The following NIN variants were observed in gnomAD, a reference collection of about 807,000 sequenced individuals.
The protein encoded by NIN is ninein, also known as glycogen synthase kinase 3 beta-interacting protein.
A neutral mutation model predicts 257.6 loss-of-function variants in NIN; 137 were observed. The ratio of observed to expected loss-of-function variants is 0.53; its 90% confidence interval spans 0.46 to 0.61. The LOEUF is 0.61. Ranked by LOEUF, NIN falls within the 20% of genes least tolerant of loss-of-function variation. The pLI, the probability that NIN is intolerant of heterozygous loss-of-function variation, is 0.00. For synonymous variants in NIN, 918 were observed against 919.8 expected, an observed-to-expected ratio of 1.00 and a Z score of 0.04; for missense variants, 2,439 against 2,501.2, an observed-to-expected ratio of 0.98 and a Z score of 0.53.
At chr14:50,753,356 C>T (rs549067756) in intron 20 of NIN, among the ~76,000 whole-genome samples, 6 of 152,230 alleles carry the variant, frequency 3.9e-5, no homozygotes, top group African/African-American at 9.6e-5. Flanking sequence ...GCTGAGATTG[C>T]GCCATTGCAC....
At position 50,756,751 on chromosome 14, in the gene NIN, T is replaced by G. The variant is rs1566810168; in HGVS notation, c.4279A>C (p.Asn1427His). 1 of 1,551,616 alleles carries G rather than the reference T, an allele frequency of 6.4e-7. No individual in the cohort carries two copies. Among genetic ancestry groups the G allele is most frequent in the Non-Finnish European group, 8.7e-7 (1 of 1,146,994 alleles). ...GTGTTTTCCTCCAGTATAACTTGAT[T>G]CTGTACTCTTGGCCTTTCTTGATGT... ...QTHQERPRVQ[N>H]QVILEENTTL... is the part of the protein sequence containing the mutation. Residue 1427 changes from asparagine (N) to histidine (H), a missense_variant, in exon 18 of 31, where the codon AAT (asparagine) becomes CAT (histidine). Coordinates refer to ENST00000530997, the MANE Select transcript of NIN (RefSeq NM_020921.4).
At chr14:50,791,536 G>A (rs949229244) in intron 5 of NIN, among the ~76,000 whole-genome samples, 14 of 151,800 alleles carry the variant, frequency 9.2e-5, no homozygotes, top group African/African-American at 3.4e-4. Context: ...TTGTGGTGAA[G>A]GACAAGTGTC....
At chr14:50,781,514 G>C (rs567272643) in intron 5 of NIN, among the ~76,000 whole-genome samples, 1 of 152,344 alleles carries the variant, frequency 6.6e-6, no homozygotes, top group South Asian at 2.1e-4. Flanking sequence ...GAGTCTATGA[G>C]ACTGGGTGCC....
chr14:50,798,026 C>G (rs146688227), intron 4 of NIN, among the ~76,000 whole-genome samples: 5 of 152,056 alleles, frequency 3.3e-5, no homozygotes, highest in Non-Finnish European at 7.4e-5. Flanking sequence ...AAGGGGAGGC[C>G]AAGAAAGGTT....
In NIN at chr14:50,757,464, G is replaced by GTCT; in HGVS notation, c.3563_3565dup (p.Glu1188_Thr1189insLys). ...CTTCAGCTCCCAGGATTCAGTCCTG[G>GTCT]TCTCTTCACTGTTTTCAAGCTCAGA... is the stretch of plus-strand genomic sequence containing the variant. On this transcript the variant is annotated inframe_insertion, in exon 18 of 31. Transcript: ENST00000530997. 21 of 1,614,024 alleles carry GTCT rather than the reference G, an allele frequency of 1.3e-5. No individual in the cohort carries two copies. Among genetic ancestry groups the GTCT allele is most frequent in the Non-Finnish European group, 1.7e-5 (20 of 1,180,022 alleles).
chr14:50,744,455 C>T, intron 22 of NIN, 90 bp from the exon 23 acceptor site: 3 of 1,346,332 alleles, frequency 2.2e-6, no homozygotes, highest in Non-Finnish European at 3.1e-6. Flanking sequence ...TTCACAGCTG[C>T]TGCTATTTGC....
At chr14:50,752,375 C>T (rs2041824309) in intron 21 of NIN, 143 bp downstream of exon 21, 2 of 625,026 alleles carry the variant, frequency 3.2e-6, no homozygotes, top group East Asian at 2.7e-5. Context: ...CTTTCTATTC[C>T]ACTTACCTAC....
intron 3 of NIN, among the ~76,000 whole-genome samples, chr14:50,814,770 G>A (rs1000929749): frequency 3.3e-5 from 5 of 152,144 alleles, no homozygotes; most frequent in East Asian, 3.8e-4. Flanking sequence ...TGACAAACCT[G>A]ACAAAAACAA....
chr14:50,760,178 G>T lies in NIN; in HGVS notation c.2078C>A (p.Ala693Asp). The change falls in exon 17 of 31, where the codon GCC becomes GAC. Residue 693 changes from alanine to aspartate, a missense_variant. Physicochemically the swap from Ala to Asp is moderately radical, Grantham distance 126 (BLOSUM62 -2). This residue lies in a region of NIN where 2,043 missense variants were observed against 2,050.2 expected (regional missense o/e 1.00). Coordinates refer to ENST00000530997, the MANE Select transcript of NIN (RefSeq NM_020921.4). ...TTTCTCCTCCTCATGCCTGCAAGTG[G>T]CCTCATGATGTGCCTCCTTGAGCAC... Reference protein sequence around the residue: ...AAVLKEAHHEATCRHEEEKKQ... With the variant: ...AAVLKEAHHEDTCRHEEEKKQ... 1 of 1,614,050 alleles carries T rather than the reference G, an allele frequency of 6.2e-7. No homozygotes were observed. Among genetic ancestry groups the T allele is most frequent in the Non-Finnish European group, 8.5e-7 (1 of 1,180,016 alleles).
At chr14:50,781,302 G>A (rs1566840719) in intron 5 of NIN, among the ~76,000 whole-genome samples, 1 of 152,096 alleles carries the variant, frequency 6.6e-6, no homozygotes. Context: ...AGAAATGGCA[G>A]GAGAATATGT....
chr14:50,725,819 T>G lies in NIN; in HGVS notation c.6192+134A>C, dbSNP rs374903449. On this transcript the variant is annotated intron_variant, in intron 30 of 30. Coordinates refer to ENST00000530997, the MANE Select transcript of NIN (RefSeq NM_020921.4). ...ATGAGGGATAGCAAATCCTAAGTTC[T>G]TACAGACATTTATAATAGAATTTGC... 259 of 1,517,530 alleles carry G rather than the reference T, an allele frequency of 1.7e-4. 4 individuals carry two copies. In the East Asian group the frequency reaches 4.1e-3, roughly 24 times the overall value. 94.0% of individuals were successfully genotyped at this position (1,517,530 alleles called of 1,614,324 possible).
intron 22 of NIN, among the ~76,000 whole-genome samples, chr14:50,747,780 T>C (rs1327787657): frequency 6.6e-6 from 1 of 151,708 alleles, no homozygotes; most frequent in African/African-American, 2.4e-5. Context: ...ACAACATATA[T>C]AAGTTAGACA....
rs1391614334 is a variant in NIN, at chr14:50,770,424, C to G, written c.1398G>C (p.Glu466Asp). 5 of 1,614,110 alleles carry G rather than the reference C, an allele frequency of 3.1e-6. No individual in the cohort carries two copies. The Admixed American group carries it at 8.3e-5, about 27-fold the overall frequency. Residue 466 changes from glutamate (E) to aspartate (D), a missense_variant, in exon 12 of 31, where the codon GAG (glutamate) becomes GAC (aspartate). Physicochemically the swap from Glu to Asp is conservative, Grantham distance 45 (BLOSUM62 2). Coordinates refer to ENST00000530997, the MANE Select transcript of NIN (RefSeq NM_020921.4). Reference sequence around the variant, plus strand: ...GGGCAAGGCGGTCCCGGATATAGTTCTCTTCTGTTTTTGCCTTTTCAATTT... The same window carrying G: ...GGGCAAGGCGGTCCCGGATATAGTTGTCTTCTGTTTTTGCCTTTTCAATTT... ...EQEIEKAKTE[E>D]NYIRDRLALS...
chr14:50,724,757 A>G (rs1489002474), intron 30 of NIN, among the ~76,000 whole-genome samples: 1 of 151,884 alleles, frequency 6.6e-6, no homozygotes, highest in South Asian at 2.1e-4. Context: ...TCATAACTCC[A>G]TGATGTTCCC....
In NIN at chr14:50,759,894, G is replaced by A; in HGVS notation, c.2362C>T (p.Leu788Phe). 6.2e-7 allele frequency: 1 copy of A among 1,613,192 alleles called. No individual in the cohort carries two copies. Among genetic ancestry groups the A allele is most frequent in the South Asian group, 1.1e-5 (1 of 90,988 alleles). ...AGCTCCCTTTGGTGCTTTTCCAAGA[G>A]CTCTTTTCTTAACTCCTCTTTCTCA... ...TLEKEELRKELLEKHQRELQE... is the reference protein window; with the variant it reads ...TLEKEELRKEFLEKHQRELQE... The change falls in exon 17 of 31, where the codon CTC (leucine) becomes TTC (phenylalanine). Residue 788 changes from leucine to phenylalanine, a missense_variant. By Grantham distance (22) the Leu-to-Phe change is conservative. This residue lies in a region of NIN where 2,043 missense variants were observed against 2,050.2 expected (regional missense o/e 1.00). Coordinates refer to ENST00000530997, the MANE Select transcript of NIN (RefSeq NM_020921.4).
rs753804413 is a variant in NIN at position 50,757,216 on chromosome 14, G to A, written c.3814C>T (p.Arg1272Cys). The change falls in exon 18 of 31, where the codon CGC becomes TGC. Residue 1272 changes from arginine (R) to cysteine (C), a missense_variant. Arg to Cys is a radical substitution (Grantham distance 180). Coordinates refer to ENST00000530997, the MANE Select transcript of NIN (RefSeq NM_020921.4). ...TTATTTTCTAGTGCCTCATCGTAGC[G>A]TGTCTCCATCATTCTCAGCTCTTCC... ...LQEELRMMET[R>C]YDEALENNKE... 12 of 1,613,990 alleles carry A rather than the reference G, an allele frequency of 7.4e-6. No homozygotes were observed. Among genetic ancestry groups the A allele is most frequent in the Admixed American group, 3.3e-5 (2 of 60,000 alleles).
intron 10 of NIN, 34 bp from the exon 11 acceptor site, chr14:50,771,026 C>G: frequency 6.2e-7 from 1 of 1,602,566 alleles, no homozygotes; most frequent in Non-Finnish European, 8.5e-7. Context: ...TAATGGGAAA[C>G]TGTTTCTAAG....
intron 3 of NIN, among the ~76,000 whole-genome samples, chr14:50,819,173 A>C (rs919795801): frequency 6.6e-6 from 1 of 152,246 alleles, no homozygotes; most frequent in African/African-American, 2.4e-5. Context: ...AAAAGACAAA[A>C]TTAAAGCCAG....
rs146957076 is a variant in NIN at position 50,782,566 on chromosome 14, G to C, written c.436-3762C>G. On this transcript the variant is annotated intron_variant, in intron 5 of 30. Transcript: ENST00000530997. ...TATTTATACAATTAGACAAAGGCTG[G>C]AAGGAAATAGAGATAATAAAAACAG... 6.9e-3 allele frequency among the ~76,000 whole-genome samples: 1,053 copies of C among 152,312 alleles called. 18 individuals are homozygous for C. Among genetic ancestry groups the C allele is most frequent in the African/African-American group, 0.024 (1,011 of 41,572 alleles).
Sources: gnomAD v4.1 joint callset for allele counts (sites outside exome capture counted in the v4.1 genomes callset) on GRCh38, gnomAD v4.1.1 for gene constraint, gnomAD v4.1.1 regional missense constraint, MANE v1.5 for transcripts, NCBI Gene and HGNC (gene_info 2026-07-23, HGNC 2026-07-21) for gene names.